ORC5: variants seen among roughly 807,000 people sequenced by gnomAD.
ORC5 encodes the protein protein phosphatase 1, regulatory subunit 117.
A neutral mutation model predicts 58.8 loss-of-function variants in ORC5; 39 were observed. The observed-to-expected ratio is 0.66, with a 90% CI of 0.51 to 0.87. ORC5 has a LOEUF of 0.87. Ranked by LOEUF, ORC5 falls within the 40% of genes least tolerant of loss-of-function variation. The pLI, the probability that ORC5 is intolerant of heterozygous loss-of-function variation, is 0.00. For synonymous variants in ORC5, 218 were observed against 177.6 expected (o/e 1.23, Z -1.81); for missense variants, 493 against 506.3 (o/e 0.97, Z 0.25).
chr7:104,145,274 G>T (rs1001947521), intron 12 of ORC5, among the ~76,000 whole-genome samples: 1 of 152,156 alleles, frequency 6.6e-6, no homozygotes, highest in Non-Finnish European at 1.5e-5. Flanking sequence ...ACACATCTGT[G>T]ACTTAGAGAA....
At chr7:104,189,761 G>A (rs1799632205) in intron 5 of ORC5, among the ~76,000 whole-genome samples, 1 of 152,022 alleles carries the variant, frequency 6.6e-6, no homozygotes, top group Non-Finnish European at 1.5e-5. Context: ...TCATCTGGCT[G>A]TTCATTTGTA....
chr7:104,205,814 C>T (rs532635921), intron 1 of ORC5, among the ~76,000 whole-genome samples: 3 of 152,128 alleles, frequency 2.0e-5, no homozygotes, highest in Non-Finnish European at 2.9e-5. Context: ...TTCAGGAGTT[C>T]GCCTGGGAAA....
intron 13 of ORC5, among the ~76,000 whole-genome samples, chr7:104,131,174 G>A (rs17159290): frequency 0.053 from 8,065 of 152,034 alleles, 708 homozygotes; most frequent in African/African-American, 0.18. Context: ...AAATGTTCCA[G>A]ATTTCTCTAA....
chr7:104,151,948 C>A (rs1311711348), intron 12 of ORC5, among the ~76,000 whole-genome samples: 1 of 152,102 alleles, frequency 6.6e-6, no homozygotes, highest in Non-Finnish European at 1.5e-5. Flanking sequence ...CTACCTGGGC[C>A]TAAGAACCCT....
chr7:104,172,216 T>C lies in ORC5; in HGVS notation c.825-3691A>G, dbSNP rs146481165. Among the ~76,000 whole-genome samples the C allele has an allele frequency of 2.8e-3, 431 of 152,350 alleles. 13 individuals carry two copies. The highest frequency in any genetic ancestry group is 0.026 in the Admixed American group (396 of 15,304). The stretch of plus-strand genomic sequence containing the variant: ...GTTCTATTAGCTCTCTTTATTGATA[T>C]TGTGGACACAATTGAATTTAGGTGG... On this transcript the variant is annotated intron_variant, in intron 8 of 13. Coordinates refer to ENST00000297431, the MANE Select transcript of ORC5 (RefSeq NM_002553.4).
At chr7:104,144,804 T>C (rs1326440022) in intron 12 of ORC5, among the ~76,000 whole-genome samples, 1 of 152,194 alleles carries the variant, frequency 6.6e-6, no homozygotes, top group Non-Finnish European at 1.5e-5. Context: ...CTTATTTACT[T>C]CCTTGCTCCA....
chr7:104,126,751 A>C lies in ORC5; in HGVS notation c.*97T>G. The C allele has an allele frequency of 1.2e-6, 1 of 816,108 alleles. No individual in the cohort carries two copies. The highest frequency in any genetic ancestry group is 2.0e-6 in the Non-Finnish European group (1 of 501,316). The allele number at this position is 816,108 out of a possible 1,614,324, so 50.6% of individuals were successfully genotyped here. Reference sequence around the variant, plus strand: ...GCACCTGTTTGGACAAATCCAATAGAGCCAAAGAACTCCTCTCCTTGGCCA... The same window carrying C: ...GCACCTGTTTGGACAAATCCAATAGCGCCAAAGAACTCCTCTCCTTGGCCA... On this transcript the variant is annotated 3_prime_UTR_variant, in exon 14 of 14. Transcript: ENST00000297431.
At chr7:104,178,977 G>C (rs886958907) in intron 8 of ORC5, among the ~76,000 whole-genome samples, 40 of 152,152 alleles carry the variant, frequency 2.6e-4, no homozygotes, top group African/African-American at 9.6e-4. Flanking sequence ...GGTTATTTAA[G>C]GTTATTTTAG....
chr7:104,198,824 C>T (rs1799862226), intron 3 of ORC5, among the ~76,000 whole-genome samples: 1 of 152,212 alleles, frequency 6.6e-6, no homozygotes, highest in African/African-American at 2.4e-5. Flanking sequence ...CCATTACAGG[C>T]CCAGAGGCCT....
chr7:104,128,564 T>C (rs1798464898), intron 13 of ORC5, among the ~76,000 whole-genome samples: 3 of 152,112 alleles, frequency 2.0e-5, no homozygotes, highest in Admixed American at 2.0e-4. Flanking sequence ...AGGGTACATG[T>C]GCACAATGTG....
At chr7:104,185,068 G>A (rs886887615) in intron 6 of ORC5, among the ~76,000 whole-genome samples, 1 of 146,698 alleles carries the variant, frequency 6.8e-6, no homozygotes, top group Non-Finnish European at 1.5e-5. Context: ...CATATTTTGT[G>A]TAAGGCTCCT....
At chr7:104,139,287 T>C (rs1390853434) in intron 12 of ORC5, among the ~76,000 whole-genome samples, 1 of 152,224 alleles carries the variant, frequency 6.6e-6, no homozygotes, top group East Asian at 1.9e-4. Context: ...TTAAGTACTC[T>C]ATACACATTA....
At chr7:104,201,925 A>T (rs1425300458) in intron 2 of ORC5, among the ~76,000 whole-genome samples, 1 of 151,892 alleles carries the variant, frequency 6.6e-6, no homozygotes, top group African/African-American at 2.4e-5. Context: ...CTCTGTCTTT[A>T]AAAAAGTAAA....
At chr7:104,172,456 C>T (rs747788476) in intron 8 of ORC5, among the ~76,000 whole-genome samples, 1 of 151,990 alleles carries the variant, frequency 6.6e-6, no homozygotes, top group African/African-American at 2.4e-5. Context: ...CAAATTTTTA[C>T]CTGAATTATA....
chr7:104,138,049 C>A lies in ORC5; in HGVS notation c.1150-1156G>T, dbSNP rs866795757. Among the ~76,000 whole-genome samples, 1 of 152,202 alleles carries A rather than the reference C, an allele frequency of 6.6e-6. No individual in the cohort carries two copies. On this transcript the variant is annotated intron_variant, in intron 12 of 13. Transcript: ENST00000297431. The surrounding 1 kb of genome is among the most constrained non-coding windows in gnomAD (Gnocchi z 4.7). ...CCTAGATGCGGCCGTGAGATTGGAG[C>A]CCCACAACCTGCCCGTCTGCATGCT...
At chr7:104,195,867 G>T (rs543838100) in intron 4 of ORC5, among the ~76,000 whole-genome samples, 1 of 152,052 alleles carries the variant, frequency 6.6e-6, no homozygotes, top group African/African-American at 2.4e-5. Context: ...TATTTATTGG[G>T]CAGAAAGATT....
chr7:104,154,162 T>C (rs999884643), intron 12 of ORC5, among the ~76,000 whole-genome samples: 3 of 152,116 alleles, frequency 2.0e-5, no homozygotes, highest in Admixed American at 2.0e-4. Context: ...CCATATACAA[T>C]ATACTGATTA....
intron 12 of ORC5, among the ~76,000 whole-genome samples, chr7:104,152,480 G>A (rs1490377082): frequency 6.6e-6 from 1 of 152,046 alleles, no homozygotes; most frequent in Non-Finnish European, 1.5e-5. Context: ...TTTCCACAAC[G>A]AAGATTTTTT....
intron 5 of ORC5, among the ~76,000 whole-genome samples, chr7:104,189,168 C>G (rs1799616634): frequency 6.6e-6 from 1 of 151,836 alleles, no homozygotes; most frequent in Non-Finnish European, 1.5e-5. Context: ...GTCACATACA[C>G]TGCTATGAAG....
Sources: gnomAD v4.1 joint callset for allele counts (sites outside exome capture counted in the v4.1 genomes callset) on GRCh38, gnomAD v4.1.1 for gene constraint, Gnocchi (gnomAD v3.1) non-coding constraint, MANE v1.5 for transcripts, NCBI Gene and HGNC (gene_info 2026-07-23, HGNC 2026-07-21) for gene names.